Variants in SLC16A10 observed in about 807,000 individuals in gnomAD.
SLC16A10 encodes the protein monocarboxylate transporter 10.
Under a neutral mutation model 40.0 loss-of-function variants are expected in SLC16A10, and 27 were observed. The ratio of observed to expected loss-of-function variants is 0.67; its 90% CI spans 0.50 to 0.93. The LOEUF (loss-of-function observed/expected upper bound fraction) is 0.93, where lower values mean the gene tolerates loss of function less well. Ranked by LOEUF, SLC16A10 falls within the 40% of genes least tolerant of loss-of-function variation. The pLI is 0.00. For missense variants in SLC16A10, 529 were observed against 658.2 expected, an observed-to-expected ratio of 0.80 and a Z score of 2.15; for synonymous variants, 213 against 249.8, an observed-to-expected ratio of 0.85 and a Z score of 1.39.
At chr6:111,102,825 C>G (rs894459727) in intron 1 of SLC16A10, among the ~76,000 whole-genome samples, 3 of 152,174 alleles carry the variant, frequency 2.0e-5, no homozygotes, top group African/African-American at 7.2e-5. Context: ...GCATCAACCT[C>G]TGGACTCGAG....
intron 1 of SLC16A10, among the ~76,000 whole-genome samples, chr6:111,168,777 A>G (rs1403519191): frequency 1.3e-5 from 2 of 152,204 alleles, no homozygotes; most frequent in Admixed American, 6.5e-5. Flanking sequence ...CAAAAGTGAG[A>G]TATTTTATGT....
chr6:111,131,359 C>A (rs1771779245), intron 1 of SLC16A10, among the ~76,000 whole-genome samples: 1 of 152,162 alleles, frequency 6.6e-6, no homozygotes, highest in Non-Finnish European at 1.5e-5. Flanking sequence ...GCCCAAGGTT[C>A]CATTCCTTGG....
chr6:111,189,531 A>C (rs1772955233), intron 3 of SLC16A10, among the ~76,000 whole-genome samples: 1 of 152,180 alleles, frequency 6.6e-6, no homozygotes, highest in Non-Finnish European at 1.5e-5. Flanking sequence ...ATACTGCATT[A>C]ATCTGTTTTC....
Position 111,218,948 on chromosome 6 carries a change from C to A in SLC16A10, c.1221C>A (p.Ala407=). The change falls in exon 5 of 6, where the codon GCC becomes GCA. Residue 407 remains alanine (A), a synonymous_variant. Transcript: ENST00000368851. ...GCFISIMAPI[A]FELVGAQDVS... is the part of the protein sequence containing the mutation. ...TCATTTCCATTATGGCTCCCATAGC[C>A]TTTGAGTTAGTTGGTGCCCAGGATG... 1 of 1,614,122 alleles carries A rather than the reference C, an allele frequency of 6.2e-7. No homozygotes were observed. The highest frequency in any genetic ancestry group is 8.5e-7 in the Non-Finnish European group (1 of 1,180,026).
At chr6:111,155,022 C>CAA (rs397888706) in intron 1 of SLC16A10, among the ~76,000 whole-genome samples, 129 of 53,118 alleles carry the variant, frequency 2.4e-3, no homozygotes, top group African/African-American at 3.2e-3. Context: ...GACTCCATCT[C>CAA]AAAAAAAAAA....
intron 1 of SLC16A10, among the ~76,000 whole-genome samples, chr6:111,131,466 C>T (rs944225499): frequency 3.9e-5 from 6 of 152,152 alleles, no homozygotes; most frequent in African/African-American, 1.4e-4. Flanking sequence ...AGAACAAGGA[C>T]CCCCCGGTAA....
intron 4 of SLC16A10, among the ~76,000 whole-genome samples, chr6:111,215,866 T>C (rs924123912): frequency 1.3e-5 from 2 of 152,060 alleles, no homozygotes; most frequent in Admixed American, 6.6e-5. Context: ...TAGCCGGGCA[T>C]AGTGGCATGT....
intron 1 of SLC16A10, among the ~76,000 whole-genome samples, chr6:111,161,707 C>T (rs920062625): frequency 2.6e-5 from 4 of 152,020 alleles, no homozygotes; most frequent in Non-Finnish European, 5.9e-5. Flanking sequence ...TGTATCAAAA[C>T]AAAATAAGGG....
At chr6:111,160,037 T>C (rs1029641065) in intron 1 of SLC16A10, among the ~76,000 whole-genome samples, 3 of 152,216 alleles carry the variant, frequency 2.0e-5, no homozygotes, top group Non-Finnish European at 4.4e-5. Context: ...TTACTAGATA[T>C]GTAATTTGCA....
chr6:111,206,693 G>A lies in SLC16A10; in HGVS notation c.1044G>A (p.Arg348=). The A allele has an allele frequency of 6.2e-7, 1 of 1,614,204 alleles. No individual in the cohort carries two copies. Among genetic ancestry groups the A allele is most frequent in the Non-Finnish European group, 8.5e-7 (1 of 1,180,052 alleles). Residue 348 remains arginine (R), a synonymous_variant, in exon 4 of 6, where the codon CGG becomes CGA. Transcript: ENST00000368851. ...GAGTTGGACGACTGCTCTTTGGCCG[G>A]ATTGCAGATTATGTGCCTGGTGTGA... The part of the protein sequence containing the change: ...TSGVGRLLFG[R]IADYVPGVKK...
At chr6:111,204,523 A>G (rs531910238) in intron 3 of SLC16A10, among the ~76,000 whole-genome samples, 6 of 152,338 alleles carry the variant, frequency 3.9e-5, no homozygotes, top group East Asian at 3.9e-4. Flanking sequence ...ACTTTTGGCA[A>G]TAACAAGAAG....
intron 1 of SLC16A10, among the ~76,000 whole-genome samples, chr6:111,107,570 G>T (rs1771305910): frequency 6.6e-6 from 1 of 152,218 alleles, no homozygotes; most frequent in African/African-American, 2.4e-5. Context: ...TGTTCATGCT[G>T]TAATTGAAGA....
intron 1 of SLC16A10, among the ~76,000 whole-genome samples, chr6:111,142,394 A>G (rs1433380988): frequency 1.3e-5 from 2 of 152,254 alleles, no homozygotes; most frequent in Non-Finnish European, 2.9e-5. Context: ...TAGACATGAA[A>G]CACAAAACTA....
intron 1 of SLC16A10, among the ~76,000 whole-genome samples, chr6:111,120,020 A>C (rs923530689): frequency 6.6e-6 from 1 of 152,228 alleles, no homozygotes; most frequent in Admixed American, 6.5e-5. Flanking sequence ...CCATCTTAGA[A>C]ATTAACTGGA....
intron 1 of SLC16A10, among the ~76,000 whole-genome samples, chr6:111,106,681 G>A (rs1771289745): frequency 6.6e-6 from 1 of 152,210 alleles, no homozygotes; most frequent in Non-Finnish European, 1.5e-5. Context: ...CAGTGAGTTA[G>A]AACTGTCAAA....
intron 3 of SLC16A10, among the ~76,000 whole-genome samples, chr6:111,188,295 TTCCC>T (rs897641594): frequency 4.0e-5 from 6 of 151,060 alleles, no homozygotes; most frequent in African/African-American, 1.5e-4. Flanking sequence ...TCCTTCTTTC[TTCCC>T]TCCCTCCCTT....
chr6:111,132,184 GAA>G (rs1491490115), intron 1 of SLC16A10, among the ~76,000 whole-genome samples: 1 of 151,972 alleles, frequency 6.6e-6, no homozygotes, highest in East Asian at 1.9e-4. Context: ...AGGGCTAGGA[GAA>G]GAGAGAGAGA....
At chr6:111,143,733 C>T (rs1772025420) in intron 1 of SLC16A10, among the ~76,000 whole-genome samples, 1 of 152,068 alleles carries the variant, frequency 6.6e-6, no homozygotes, top group South Asian at 2.1e-4. Flanking sequence ...ATTTTTAGGG[C>T]AGTGAAATGT....
intron 1 of SLC16A10, among the ~76,000 whole-genome samples, chr6:111,141,376 A>G (rs1369708897): frequency 6.6e-6 from 1 of 152,186 alleles, no homozygotes; most frequent in African/African-American, 2.4e-5. Context: ...TTAAAATGCA[A>G]TACCAGCTGG....
Sources: gnomAD v4.1 joint callset for allele counts (sites outside exome capture counted in the v4.1 genomes callset) on GRCh38, gnomAD v4.1.1 for gene constraint, MANE v1.5 for transcripts, NCBI Gene and HGNC (gene_info 2026-07-23, HGNC 2026-07-21) for gene names.